Variants in ANO10 observed in about 807,000 individuals in gnomAD.
ANO10 encodes anoctamin 10, also known as anoctamin-10.
A neutral mutation model predicts 74.7 loss-of-function variants in ANO10; 77 were observed. The ratio of observed to expected loss-of-function variants is 1.03; its 90% CI spans 0.86 to 1.25. ANO10 has a LOEUF of 1.25. Ranked by LOEUF, ANO10 falls within the 50% of genes most tolerant of loss-of-function variation. The pLI, the probability that ANO10 is intolerant of heterozygous loss-of-function variation, is 0.00. For synonymous variants in ANO10, 279 were observed against 284.9 expected, an observed-to-expected ratio of 0.98 and a Z score of 0.21; for missense variants, 721 against 778.1, an observed-to-expected ratio of 0.93 and a Z score of 0.87.
intron 11 of ANO10, among the ~76,000 whole-genome samples, chr3:43,439,676 T>C (rs1360280703): frequency 6.6e-6 from 1 of 151,972 alleles, no homozygotes; most frequent in African/African-American, 2.4e-5. Flanking sequence ...CCCCAGGAGT[T>C]TGAAACCAGC....
intron 12 of ANO10, among the ~76,000 whole-genome samples, chr3:43,405,707 C>G (rs1008176211): frequency 8.5e-5 from 13 of 152,230 alleles, no homozygotes; most frequent in Middle Eastern, 3.4e-3. Flanking sequence ...CTCCTGGGCT[C>G]AAGTGATCTA....
At chr3:43,601,065 T>TC (rs2082318081) in intron 2 of ANO10, among the ~76,000 whole-genome samples, 1 of 152,226 alleles carries the variant, frequency 6.6e-6, no homozygotes, top group South Asian at 2.1e-4. Context: ...CAGTGATTTT[T>TC]CCCATAAATT....
At chr3:43,581,484 G>C (rs2081258582) in intron 4 of ANO10, among the ~76,000 whole-genome samples, 1 of 152,290 alleles carries the variant, frequency 6.6e-6, no homozygotes, top group East Asian at 1.9e-4. Flanking sequence ...GGGTGGAGAA[G>C]AGTGTCTTCA....
intron 11 of ANO10, among the ~76,000 whole-genome samples, chr3:43,476,203 G>A (rs2076059400): frequency 1.3e-5 from 2 of 151,916 alleles, no homozygotes; most frequent in African/African-American, 4.8e-5. Context: ...AAATTATCAT[G>A]TATTTAATCA....
intron 11 of ANO10, among the ~76,000 whole-genome samples, chr3:43,548,827 C>T (rs2149304592): frequency 6.6e-6 from 1 of 152,138 alleles, no homozygotes; most frequent in African/African-American, 2.4e-5. Flanking sequence ...GCTTAATTTC[C>T]AAGATGTTAC....
chr3:43,378,837 CAGTA>C (rs2091884215), intron 12 of ANO10, among the ~76,000 whole-genome samples: 2 of 152,354 alleles, frequency 1.3e-5, no homozygotes, highest in African/African-American at 4.8e-5. Context: ...AGGAACAACA[CAGTA>C]AGTGTTAGGC....
At chr3:43,596,976 A>C (rs1281390220) in intron 4 of ANO10, among the ~76,000 whole-genome samples, 1 of 152,238 alleles carries the variant, frequency 6.6e-6, no homozygotes, top group African/African-American at 2.4e-5. Context: ...CATTTCTCAA[A>C]AGAAGACATT....
At chr3:43,486,223 T>C (rs1202597226) in intron 11 of ANO10, among the ~76,000 whole-genome samples, 1 of 152,232 alleles carries the variant, frequency 6.6e-6, no homozygotes, top group Non-Finnish European at 1.5e-5. Context: ...TTCATGTACA[T>C]AACAAGGCCA....
intron 12 of ANO10, among the ~76,000 whole-genome samples, chr3:43,408,312 T>C (rs2148886322): frequency 6.6e-6 from 1 of 152,362 alleles, no homozygotes; most frequent in South Asian, 2.1e-4. Flanking sequence ...TAAAAGCAGA[T>C]TAAAATATTA....
chr3:43,394,531 C>T (rs1244308862), intron 12 of ANO10, among the ~76,000 whole-genome samples: 1 of 152,134 alleles, frequency 6.6e-6, no homozygotes, highest in Non-Finnish European at 1.5e-5. Context: ...AGAGTTAGAG[C>T]CTAGATCTTC....
intron 11 of ANO10, among the ~76,000 whole-genome samples, chr3:43,543,624 T>C (rs2079052655): frequency 1.3e-5 from 2 of 152,158 alleles, no homozygotes; most frequent in South Asian, 2.1e-4. Context: ...TCCTGACCTG[T>C]GATCTGCCCG....
chr3:43,444,005 A>G (rs556345869), intron 11 of ANO10, among the ~76,000 whole-genome samples: 2 of 152,292 alleles, frequency 1.3e-5, no homozygotes, highest in East Asian at 3.9e-4. Flanking sequence ...ATCATTTAAT[A>G]GAAAAGGTGA....
At chr3:43,384,691 T>C (rs549762667) in intron 12 of ANO10, among the ~76,000 whole-genome samples, 1 of 152,322 alleles carries the variant, frequency 6.6e-6, no homozygotes, top group Admixed American at 6.5e-5. Context: ...ATTCAACAAA[T>C]GGTGGTCGGA....
intron 11 of ANO10, among the ~76,000 whole-genome samples, chr3:43,498,229 T>C (rs1387760221): frequency 6.6e-6 from 1 of 152,202 alleles, no homozygotes; most frequent in Non-Finnish European, 1.5e-5. Context: ...TGTTGGCAGG[T>C]ACAGCAAGGA....
rs183425376 is a variant in ANO10, at chr3:43,419,609, G to A, written c.1914+13002C>T. On this transcript the variant is annotated intron_variant, in intron 12 of 12. Coordinates refer to ENST00000292246, the MANE Select transcript of ANO10 (RefSeq NM_018075.5). ...TGGCTCAATGCAACCTCCGCCTCCC[G>A]GGTTCAAGCAATTCTCCTGCCTCAG... Among the ~76,000 whole-genome samples the A allele has an allele frequency of 7.2e-4, 109 of 150,528 alleles. 1 individual carries two copies. The highest frequency in any genetic ancestry group is 2.4e-3 in the African/African-American group (98 of 40,916).
chr3:43,380,402 TGAAGGAAA>T (rs1306614547), intron 12 of ANO10, among the ~76,000 whole-genome samples: 2 of 152,182 alleles, frequency 1.3e-5, no homozygotes, highest in African/African-American at 4.8e-5. Context: ...AAGGTCAAGA[TGAAGGAAA>T]GAATCTTAAG....
At chr3:43,542,959 T>C (rs73084964) in intron 11 of ANO10, among the ~76,000 whole-genome samples, 3,025 of 152,274 alleles carry the variant, frequency 0.02, 53 homozygotes, top group Non-Finnish European at 0.033. Flanking sequence ...ATCAGAGTTA[T>C]ACATGTGTTA....
At chr3:43,574,404 G>A (rs751712009) in intron 7 of ANO10, among the ~76,000 whole-genome samples, 2 of 151,794 alleles carry the variant, frequency 1.3e-5, no homozygotes, top group African/African-American at 2.4e-5. Flanking sequence ...CCAAGTAGCT[G>A]GGATTACAGG....
At chr3:43,669,073 T>C (rs2084024904) in intron 1 of ANO10, among the ~76,000 whole-genome samples, 2 of 152,154 alleles carry the variant, frequency 1.3e-5, no homozygotes, top group Non-Finnish European at 2.9e-5. Flanking sequence ...TCTATGCCCC[T>C]GGACTGCAAC....
Sources: allele counts gnomAD v4.1 joint callset (sites outside exome capture counted in the v4.1 genomes callset), GRCh38; gene constraint gnomAD v4.1.1; transcripts MANE v1.5; gene names NCBI Gene and HGNC (gene_info 2026-07-23, HGNC 2026-07-21).